The following TBX1 variants were observed in gnomAD, a reference collection of about 807,000 sequenced individuals.
TBX1 encodes T-box transcription factor 1, also known as T-box transcription factor TBX1.
TBX1 carries 16 observed loss-of-function variants against 40.8 expected under a neutral mutation model. That is an observed-to-expected ratio of 0.39 (90% CI 0.27 to 0.60). The LOEUF (loss-of-function observed/expected upper bound fraction) is 0.60. Among genes scored for constraint, TBX1 ranks in the 20% least tolerant of loss-of-function variants. The probability of loss-of-function intolerance (pLI) is 0.51; values close to 1 mark genes in which losing one functional copy is unlikely to be tolerated. For synonymous variants in TBX1, 403 were observed against 336.8 expected (o/e 1.20, Z -2.15); for missense variants, 755 against 728.5 (o/e 1.04, Z -0.42).
In TBX1 at chr22:19,766,908, C is replaced by A; in HGVS notation, c.*41C>A. 6.4e-7 allele frequency: 1 copy of A among 1,573,504 alleles called. No individual in the cohort carries two copies. Among genetic ancestry groups the A allele is most frequent in the Non-Finnish European group, 8.6e-7 (1 of 1,168,252 alleles). On this transcript the variant is annotated 3_prime_UTR_variant, in exon 7 of 7. Transcript: ENST00000649276. The stretch of plus-strand genomic sequence containing the variant: ...GCTCCCGCCCCGGTCCTGCACAGCC[C>A]CGAAGTTCGCCGGGCCCGGCCACCC...
At chr22:19,764,528 G>A (rs1191871971) in intron 3 of TBX1, among the ~76,000 whole-genome samples, 3 of 152,242 alleles carry the variant, frequency 2.0e-5, no homozygotes, top group Non-Finnish European at 4.4e-5. Flanking sequence ...TGCCGATGAG[G>A]AGAGCGGCCT....
intron 2 of TBX1, chr22:19,763,659 G>T: frequency 4.4e-6 from 2 of 451,412 alleles, no homozygotes; most frequent in Non-Finnish European, 8.1e-6. Context: ...CCAGGAGGCC[G>T]GCCTGAGCGC....
rs1289825564 is a variant in TBX1 at position 19,765,995 on chromosome 22, G to A, written c.1029G>A (p.Thr343=). ...PVASPTQPSG[T]EKDAAEARRE... is the part of the protein sequence containing the mutation. ...CTTCCCCGACGCAGCCCAGCGGCAC[G>A]GAGAAAGGTAGGGCCGGGGTCGTGG... The change falls in exon 6 of 7, where the codon ACG becomes ACA. Residue 343 remains threonine, a synonymous_variant. Coordinates refer to ENST00000649276, the MANE Select transcript of TBX1 (RefSeq NM_001379200.1). 7.3e-6 allele frequency: 11 copies of A among 1,510,344 alleles called. No homozygotes were observed. The highest frequency in any genetic ancestry group is 1.4e-5 in the African/African-American group (1 of 69,750). The allele number at this position is 1,510,344 out of a possible 1,614,324, so 93.6% of individuals were successfully genotyped here.
chr22:19,766,288 A>T (rs1936839160), intron 6 of TBX1, 101 bp from the exon 7 acceptor site: 2 of 1,196,978 alleles, frequency 1.7e-6, no homozygotes, highest in Non-Finnish European at 2.1e-6. Context: ...GGGAACACCG[A>T]GGGCGGCCAA....
intron 4 of TBX1, among the ~76,000 whole-genome samples, chr22:19,765,451 A>T (rs1441176795): frequency 6.6e-6 from 1 of 151,758 alleles, no homozygotes; most frequent in Non-Finnish European, 1.5e-5. Flanking sequence ...CCCACCCCCC[A>T]CCCCACTGCA....
chr22:19,779,660 A>G, downstream of TBX1: 1 of 891,540 alleles, frequency 1.1e-6, no homozygotes, highest in East Asian at 3.4e-5. Flanking sequence ...AAACACTTCT[A>G]AATATTTAAT....
At chr22:19,773,489 TC>T (rs41300484) in intron 8 of TBX1, among the ~76,000 whole-genome samples, 2 of 152,276 alleles carry the variant, frequency 1.3e-5, no homozygotes, top group East Asian at 3.9e-4. Context: ...AGGTGGCCCC[TC>T]CAGCTTGGCT....
At chr22:19,767,930 T>G (rs1936917045), downstream of TBX1, among the ~76,000 whole-genome samples, 1 of 152,218 alleles carries the variant, frequency 6.6e-6, no homozygotes, top group African/African-American at 2.4e-5. Context: ...TGAGTGTCCC[T>G]ACGGAGTGAC....
At chr22:19,769,385 G>A (rs1936950230), downstream of TBX1, among the ~76,000 whole-genome samples, 1 of 152,236 alleles carries the variant, frequency 6.6e-6, no homozygotes, top group South Asian at 2.1e-4. Flanking sequence ...GCACTCCCAC[G>A]CTGGGCAGTG....
rs1191392752 is a variant in TBX1, at chr22:19,761,122, C to G, written c.279C>G (p.Ala93=). 1 of 1,308,926 alleles carries G rather than the reference C, an allele frequency of 7.6e-7. No homozygotes were observed. Among genetic ancestry groups the G allele is most frequent in the Admixed American group, 2.8e-5 (1 of 35,628 alleles). The allele number at this position is 1,308,926 out of a possible 1,614,324, so 81.1% of individuals were successfully genotyped here. A position where few individuals can be genotyped will look rare whatever the true frequency, so the allele number is the denominator to read the frequency against. Residue 93 remains alanine, a synonymous_variant, in exon 1 of 7, where the codon GCC becomes GCG. Transcript: ENST00000649276. ...PAAGAATSAA[A]EPEGPGASCA... Reference sequence around the variant, plus strand: ...CCGGGGCCGCCACCAGCGCCGCCGCCGAGCCCGAGGGCCCCGGGGCCAGCT... The same window carrying G: ...CCGGGGCCGCCACCAGCGCCGCCGCGGAGCCCGAGGGCCCCGGGGCCAGCT...
chr22:19,763,372 C>G, intron 2 of TBX1, 30 bp downstream of exon 2: 1 of 1,606,130 alleles, frequency 6.2e-7, no homozygotes, highest in Non-Finnish European at 8.5e-7. Context: ...CGTGAGGGAC[C>G]GGGAGGGCAC....
intron 8 of TBX1, among the ~76,000 whole-genome samples, chr22:19,775,733 T>C (rs1276171391): frequency 1.3e-5 from 2 of 152,118 alleles, no homozygotes; most frequent in Non-Finnish European, 2.9e-5. Flanking sequence ...GGGCCCCGAA[T>C]ATTCTGAGGC....
chr22:19,758,887 GC>G (rs758716733), upstream of TBX1, among the ~76,000 whole-genome samples: 12 of 152,210 alleles, frequency 7.9e-5, no homozygotes, highest in Non-Finnish European at 1.6e-4. Context: ...CATTTACTGG[GC>G]TGGGTCCTGT....
chr22:19,758,695 G>A (rs1286460241), upstream of TBX1, among the ~76,000 whole-genome samples: 2 of 152,138 alleles, frequency 1.3e-5, no homozygotes, highest in African/African-American at 4.8e-5. Context: ...CCCGGCCGGT[G>A]CGCAGGGAGG....
rs1425319851 is a variant in TBX1 at position 19,765,972 on chromosome 22, TC to T, written c.1010del (p.Pro337ArgfsTer42). ...AFARSRNPVA[S>X]PTQPSGTEKD... ...CGCGCGCTCGCGGAACCCCGTGGCT[TC>T]CCCGACGCAGCCCAGCGGCACGGAG... On this transcript the variant is annotated frameshift_variant, in exon 6 of 7. Transcript: ENST00000649276. LOFTEE classifies it high-confidence loss of function. 6.6e-7 allele frequency: 1 copy of T among 1,516,486 alleles called. No homozygotes were observed. Among genetic ancestry groups the T allele is most frequent in the Non-Finnish European group, 8.8e-7 (1 of 1,137,290 alleles). The allele number at this position is 1,516,486 out of a possible 1,614,324, so 93.9% of individuals were successfully genotyped here.
At chr22:19,780,521 A>G (rs1426232330), downstream of TBX1, among the ~76,000 whole-genome samples, 2 of 152,170 alleles carry the variant, frequency 1.3e-5, no homozygotes, top group Admixed American at 6.5e-5. Flanking sequence ...TCTTCTGTCA[A>G]TGGACACTTG....
At position 19,761,085 on chromosome 22, in the gene TBX1, T is replaced by G; in HGVS notation, c.242T>G (p.Phe81Cys). 1 of 1,045,472 alleles carries G rather than the reference T, an allele frequency of 9.6e-7. No homozygotes were observed. The highest frequency in any genetic ancestry group is 1.2e-6 in the Non-Finnish European group (1 of 858,184). The allele number at this position is 1,045,472 out of a possible 1,614,324, so 64.8% of individuals were successfully genotyped here. ...GPPPPPHAYPFAPAAGAATSA... is the reference protein window; with the variant it reads ...GPPPPPHAYPCAPAAGAATSA... Reference sequence around the variant, plus strand: ...CCGCCGCCGCCGCACGCCTACCCGTTTGCGCCGGCCGCCGGGGCCGCCACC... The same window carrying G: ...CCGCCGCCGCCGCACGCCTACCCGTGTGCGCCGGCCGCCGGGGCCGCCACC... The change falls in exon 1 of 7, where the codon TTT becomes TGT. Residue 81 changes from phenylalanine to cysteine, a missense_variant. Transcript: ENST00000649276.
intron 4 of TBX1, 50 bp downstream of exon 4, chr22:19,765,163 C>G: frequency 6.2e-7 from 1 of 1,613,142 alleles, no homozygotes; most frequent in Non-Finnish European, 8.5e-7. Context: ...TCTGGAAAAG[C>G]GGGTGTAATT....
chr22:19,776,484 G>A (rs1278885453), intron 8 of TBX1, among the ~76,000 whole-genome samples: 5 of 152,168 alleles, frequency 3.3e-5, no homozygotes, highest in Non-Finnish European at 7.4e-5. Context: ...GGGGTGGAGG[G>A]CTCTTCAGAG....
Sources: allele counts gnomAD v4.1 joint callset (sites outside exome capture counted in the v4.1 genomes callset), GRCh38; gene constraint gnomAD v4.1.1; transcripts MANE v1.5; gene names NCBI Gene and HGNC (gene_info 2026-07-23, HGNC 2026-07-21).